Variants in SETBP1 observed in about 807,000 individuals in gnomAD.
SETBP1 encodes the protein SET-binding protein.
SETBP1 carries 9 observed loss-of-function variants against 101.0 expected under a neutral mutation model. The observed-to-expected ratio is 0.09, with a 90% CI of 0.05 to 0.16. The LOEUF (loss-of-function observed/expected upper bound fraction) is 0.16, where lower values mean the gene tolerates loss of function less well. SETBP1 is among the 10% of genes least tolerant of loss of function. The pLI, the probability that SETBP1 is intolerant of heterozygous loss-of-function variation, is 1.00. For missense variants in SETBP1, 1,858 were observed against 2,033.8 expected (o/e 0.91, Z 1.66); for synonymous variants, 818 against 788.5 (o/e 1.04, Z -0.63).
At chr18:44,704,249 C>G (rs370432617) in intron 2 of SETBP1, among the ~76,000 whole-genome samples, 53 of 152,174 alleles carry the variant, frequency 3.5e-4, no homozygotes, top group African/African-American at 1.2e-3. Context: ...AGTTCTCAGG[C>G]TGGTCATTTT....
At chr18:44,763,533 T>C (rs2070704089) in intron 2 of SETBP1, among the ~76,000 whole-genome samples, 1 of 152,222 alleles carries the variant, frequency 6.6e-6, no homozygotes, top group African/African-American at 2.4e-5. Flanking sequence ...TTGCAGTTGA[T>C]GTTTACTGTA....
chr18:44,713,777 C>A, intron 2 of SETBP1, among the ~76,000 whole-genome samples: 1 of 152,018 alleles, frequency 6.6e-6, no homozygotes, highest in Admixed American at 6.5e-5. Flanking sequence ...ATCCGATAGT[C>A]AGTCGATTCT....
At chr18:44,963,732 A>G (rs745594481) in intron 4 of SETBP1, among the ~76,000 whole-genome samples, 9 of 151,380 alleles carry the variant, frequency 5.9e-5, no homozygotes, top group African/African-American at 1.5e-4. Flanking sequence ...CTATAAAAAT[A>G]TACAAAAATT....
chr18:44,844,750 G>A (rs2072691559), intron 2 of SETBP1, among the ~76,000 whole-genome samples: 1 of 152,122 alleles, frequency 6.6e-6, no homozygotes, highest in Admixed American at 6.5e-5. Flanking sequence ...CCTCCATGAG[G>A]GTTCTCGGTG....
intron 2 of SETBP1, among the ~76,000 whole-genome samples, chr18:44,771,330 A>G (rs929129047): frequency 6.8e-6 from 1 of 147,116 alleles, no homozygotes; most frequent in Non-Finnish European, 1.5e-5. Context: ...TACCTGGTCT[A>G]GATGGTGCAT....
chr18:44,745,991 A>C (rs2070235188), intron 2 of SETBP1, among the ~76,000 whole-genome samples: 1 of 152,148 alleles, frequency 6.6e-6, no homozygotes, highest in Non-Finnish European at 1.5e-5. Context: ...AGGAGTGAAG[A>C]GAGAGCTTGA....
intron 2 of SETBP1, among the ~76,000 whole-genome samples, chr18:44,858,960 T>G (rs1383267816): frequency 6.6e-6 from 1 of 151,932 alleles, no homozygotes; most frequent in Non-Finnish European, 1.5e-5. Context: ...GGTTACCATC[T>G]GTGATGGTGT....
At chr18:44,839,073 T>TA (rs11295119) in intron 2 of SETBP1, among the ~76,000 whole-genome samples, 7,680 of 146,238 alleles carry the variant, frequency 0.053, 278 homozygotes, top group Non-Finnish European at 0.077. Flanking sequence ...CTTAATATCT[T>TA]AAAAAAAAAA....
chr18:44,837,473 A>G (rs1195646551), intron 2 of SETBP1, among the ~76,000 whole-genome samples: 1 of 152,228 alleles, frequency 6.6e-6, no homozygotes, highest in African/African-American at 2.4e-5. Context: ...TTTTTATTTG[A>G]TAACGGATAC....
intron 3 of SETBP1, among the ~76,000 whole-genome samples, chr18:44,892,557 G>C (rs752685849): frequency 7.9e-5 from 12 of 152,124 alleles, no homozygotes; most frequent in Admixed American, 3.9e-4. Context: ...GGCATACCTA[G>C]TAGGTCATCT....
intron 2 of SETBP1, among the ~76,000 whole-genome samples, chr18:44,767,849 C>A (rs368963701): frequency 6.6e-6 from 1 of 152,152 alleles, no homozygotes; most frequent in Non-Finnish European, 1.5e-5. Context: ...TTGATATACT[C>A]GTTTTCTCAG....
intron 3 of SETBP1, among the ~76,000 whole-genome samples, chr18:44,886,422 G>T (rs2361050): frequency 0.33 from 49,570 of 151,956 alleles, 8,233 homozygotes; most frequent in South Asian, 0.4. Context: ...TCTTCACTTT[G>T]TCCAAGATGT....
At chr18:44,792,696 A>C (rs112619542) in intron 2 of SETBP1, among the ~76,000 whole-genome samples, 4 of 152,254 alleles carry the variant, frequency 2.6e-5, no homozygotes, top group African/African-American at 9.6e-5. Context: ...ACAAAGTAGG[A>C]ATATGCTTTT....
At chr18:44,686,888 A>G (rs997812897) in intron 1 of SETBP1, among the ~76,000 whole-genome samples, 3 of 152,218 alleles carry the variant, frequency 2.0e-5, no homozygotes, top group African/African-American at 7.2e-5. Context: ...CGATTCACTC[A>G]TTCAATCATC....
chr18:45,008,549 T>G (rs1226360988), intron 4 of SETBP1, among the ~76,000 whole-genome samples: 1 of 152,198 alleles, frequency 6.6e-6, no homozygotes, highest in Non-Finnish European at 1.5e-5. Flanking sequence ...GAAAAAGGAC[T>G]CTGCAGTTTG....
intron 2 of SETBP1, among the ~76,000 whole-genome samples, chr18:44,702,573 A>G (rs1386801160): frequency 6.6e-6 from 1 of 152,144 alleles, no homozygotes; most frequent in Non-Finnish European, 1.5e-5. Flanking sequence ...ACTTTTTAGT[A>G]TTTTTTTCTT....
chr18:44,703,986 A>T (rs992558235), intron 2 of SETBP1, among the ~76,000 whole-genome samples: 3 of 152,088 alleles, frequency 2.0e-5, no homozygotes, highest in African/African-American at 7.2e-5. Flanking sequence ...AGTAATGGTT[A>T]CCCTTTGTCT....
intron 3 of SETBP1, among the ~76,000 whole-genome samples, chr18:44,886,143 G>A (rs2069642751): frequency 6.6e-6 from 1 of 152,046 alleles, no homozygotes; most frequent in Non-Finnish European, 1.5e-5. Flanking sequence ...AAAAATTCAG[G>A]GGGATCAAGA....
At chr18:44,947,160 G>A (rs1187065954) in intron 3 of SETBP1, among the ~76,000 whole-genome samples, 2 of 152,122 alleles carry the variant, frequency 1.3e-5, no homozygotes, top group African/African-American at 4.8e-5. Context: ...TATGGTATGT[G>A]CAACAAAGAT....
Sources: gnomAD v4.1 joint callset for allele counts (sites outside exome capture counted in the v4.1 genomes callset) on GRCh38, gnomAD v4.1.1 for gene constraint, MANE v1.5 for transcripts, NCBI Gene and HGNC (gene_info 2026-07-23, HGNC 2026-07-21) for gene names.